Variants in CHAF1B observed in about 807,000 individuals in gnomAD.
The protein encoded by CHAF1B is CAF-1 subunit B.
CHAF1B carries 10 observed loss-of-function variants against 60.7 expected under a neutral mutation model. That is an observed-to-expected ratio of 0.16 (90% CI 0.10 to 0.28). The LOEUF (loss-of-function observed/expected upper bound fraction) is 0.28. Ranked by LOEUF, CHAF1B falls within the 10% of genes least tolerant of loss-of-function variation. CHAF1B has a pLI of 1.00. For synonymous variants in CHAF1B, 261 were observed against 266.1 expected (o/e 0.98, Z 0.19); for missense variants, 558 against 708.4 (o/e 0.79, Z 2.41).
intron 3 of CHAF1B, among the ~76,000 whole-genome samples, chr21:36,389,804 C>CGCGCGG (rs1407153758): frequency 9.5e-6 from 1 of 105,420 alleles, no homozygotes; most frequent in African/African-American, 4.7e-5. Context: ...TGTGTGTGCG[C>CGCGCGG]GCGCACGCTG....
chr21:36,394,465 C>G, intron 4 of CHAF1B, 82 bp from the exon 5 acceptor site: 2 of 950,788 alleles, frequency 2.1e-6, no homozygotes, highest in Non-Finnish European at 3.3e-6. Flanking sequence ...CTACCTTGGC[C>G]TCCCAAAGTG....
intron 7 of CHAF1B, among the ~76,000 whole-genome samples, chr21:36,401,322 T>A (rs533377910): frequency 1.4e-5 from 2 of 144,210 alleles, no homozygotes; most frequent in Non-Finnish European, 3.0e-5. Flanking sequence ...TAATATATAC[T>A]TTAATATGTT....
chr21:36,397,664 G>T, intron 6 of CHAF1B, 153 bp downstream of exon 6: 5 of 314,136 alleles, frequency 1.6e-5, no homozygotes, highest in Admixed American at 5.0e-5. Context: ...AACATAATCA[G>T]AAATTGGAAA....
chr21:36,392,663 C>G (rs1458369862), intron 4 of CHAF1B, among the ~76,000 whole-genome samples: 1 of 149,464 alleles, frequency 6.7e-6, no homozygotes. Flanking sequence ...GGGCGGCTGC[C>G]GGGCGGAGGG....
At chr21:36,394,197 C>T (rs1459075357) in intron 4 of CHAF1B, among the ~76,000 whole-genome samples, 2 of 152,060 alleles carry the variant, frequency 1.3e-5, no homozygotes, top group African/African-American at 4.8e-5. Flanking sequence ...CTCCCTCACC[C>T]TCCTGAGTAG....
Position 36,413,291 on chromosome 21 carries a change from A to C in CHAF1B, c.1469A>C (p.Gln490Pro), listed in dbSNP as rs1057052374. 1 of 1,594,502 alleles carries C rather than the reference A, an allele frequency of 6.3e-7. No individual in the cohort carries two copies. Among genetic ancestry groups the C allele is most frequent in the Non-Finnish European group, 8.5e-7 (1 of 1,171,788 alleles). Residue 490 changes from glutamine to proline, a missense_variant, in exon 12 of 14, where the codon CAA becomes CCA. Transcript: ENST00000314103. ...PSRRVTLNTL[Q>P]AWSKTTPRRI... Reference sequence around the variant, plus strand: ...CGGAGGGTCACTCTGAACACACTGCAAGCCTGGAGCAAGACAACACCCCGG... The same window carrying C: ...CGGAGGGTCACTCTGAACACACTGCCAGCCTGGAGCAAGACAACACCCCGG...
chr21:36,405,604 A>AT (rs2086232038), intron 8 of CHAF1B, among the ~76,000 whole-genome samples: 3 of 151,642 alleles, frequency 2.0e-5, no homozygotes, highest in South Asian at 4.2e-4. Flanking sequence ...TAATTTTCTT[A>AT]TTTTTTTGTA....
At chr21:36,409,107 G>A (rs927259858) in intron 9 of CHAF1B, among the ~76,000 whole-genome samples, 9 of 151,144 alleles carry the variant, frequency 6.0e-5, no homozygotes, top group African/African-American at 1.7e-4. Context: ...CGCTTGCCTC[G>A]GCCTCCCAAA....
chr21:36,404,024 A>T (rs977676399), intron 8 of CHAF1B, among the ~76,000 whole-genome samples: 4 of 152,190 alleles, frequency 2.6e-5, no homozygotes, highest in Non-Finnish European at 5.9e-5. Flanking sequence ...AGGACTAAGA[A>T]TAAGTAGTTG....
intron 4 of CHAF1B, among the ~76,000 whole-genome samples, chr21:36,392,756 C>G (rs1318364676): frequency 6.6e-6 from 1 of 152,142 alleles, no homozygotes; most frequent in African/African-American, 2.4e-5. Context: ...GCGCTCCCCA[C>G]ATCTCAGACG....
rs758745075 is a variant in CHAF1B, at chr21:36,412,938, T to G, written c.1116T>G (p.Phe372Leu). ...AISSTDGYCSFVTFEKDELGI... is the reference protein window; with the variant it reads ...AISSTDGYCSLVTFEKDELGI... ...CTTCCACGGACGGTTACTGCTCATT[T>G]GTGACATTTGAGAAAGATGAACTTG... is the stretch of plus-strand genomic sequence containing the variant. Residue 372 changes from phenylalanine (F) to leucine (L), a missense_variant, in exon 12 of 14, where the codon TTT becomes TTG. Phe to Leu is a conservative substitution (Grantham distance 22). This residue lies in a region of CHAF1B where 325 missense variants were observed against 493.5 expected (regional missense o/e 0.66). Coordinates refer to ENST00000314103, the MANE Select transcript of CHAF1B (RefSeq NM_005441.3). 1 of 1,614,236 alleles carries G rather than the reference T, an allele frequency of 6.2e-7. No homozygotes were observed. Among genetic ancestry groups the G allele is most frequent in the African/African-American group, 1.3e-5 (1 of 75,060 alleles).
intron 8 of CHAF1B, among the ~76,000 whole-genome samples, chr21:36,404,731 CCTTTT>C (rs2086222940): frequency 1.4e-5 from 1 of 70,296 alleles, no homozygotes; most frequent in Non-Finnish European, 2.6e-5. Context: ...ATTGCGCTGG[CCTTTT>C]TTTTTTTTTT....
intron 3 of CHAF1B, among the ~76,000 whole-genome samples, chr21:36,388,468 GTTTTT>G (rs1168454008): frequency 1.6e-5 from 2 of 126,348 alleles, no homozygotes; most frequent in Non-Finnish European, 3.3e-5. Context: ...GGCTTTGGGA[GTTTTT>G]TTTTTTTTTT....
rs761526218 is a variant in CHAF1B at position 36,391,632 on chromosome 21, T to G, written c.341T>G (p.Leu114Arg). ...IAFQDEDEAQ[L>R]NKENWTVVKT... ...TTTCAGGATGAGGACGAGGCCCAGC[T>G]GAACAAGGAGAACTGGACGGTTGTG... Residue 114 changes from leucine (L) to arginine (R), a missense_variant, in exon 4 of 14, where the codon CTG becomes CGG. Transcript: ENST00000314103. 4 of 1,613,536 alleles carry G rather than the reference T, an allele frequency of 2.5e-6. No individual in the cohort carries two copies. The highest frequency in any genetic ancestry group is 3.4e-6 in the Non-Finnish European group (4 of 1,179,618).
At chr21:36,415,949 T>G (rs1268252617) in intron 13 of CHAF1B, 1 of 324,398 alleles carries the variant, frequency 3.1e-6, no homozygotes, top group Non-Finnish European at 6.0e-6. Flanking sequence ...GTCGGGGGTT[T>G]CACCACGTTG....
In CHAF1B at chr21:36,418,198, G is replaced by C. The variant is rs2086332620; in HGVS notation, c.*1832G>C. 6.6e-6 allele frequency: 1 copy of C among 152,020 alleles called. No individual in the cohort carries two copies. The highest frequency in any genetic ancestry group is 2.4e-5 in the African/African-American group (1 of 41,344). 9.4% of individuals were successfully genotyped at this position (152,020 alleles called of 1,614,324 possible). On this transcript the variant is annotated 3_prime_UTR_variant, in exon 14 of 14. Coordinates refer to ENST00000314103, the MANE Select transcript of CHAF1B (RefSeq NM_005441.3). ...CCGGCTAATTTTTGTATTTTTAGTA[G>C]AGATGGTGTTTCACCATGTTGGTCA...
At chr21:36,387,509 C>A in intron 2 of CHAF1B, 89 bp from the exon 3 acceptor site, 1 of 1,517,416 alleles carries the variant, frequency 6.6e-7, no homozygotes, top group Admixed American at 1.8e-5. Context: ...TTGTGAGCCA[C>A]CACACCCAGC....
rs546780647 is a variant in CHAF1B at position 36,396,237 on chromosome 21, C to T, written c.482-1178C>T. On this transcript the variant is annotated intron_variant, in intron 5 of 13. Coordinates refer to ENST00000314103, the MANE Select transcript of CHAF1B (RefSeq NM_005441.3). The stretch of plus-strand genomic sequence containing the variant: ...CTGGTCCCAAACTCCTGACTTGAAG[C>T]GATCTGCCTGCGTCGGCCTCCCAAA... 7.8e-4 allele frequency among the ~76,000 whole-genome samples: 118 copies of T among 150,958 alleles called. No individual in the cohort carries two copies. In the East Asian group the frequency reaches 0.012, roughly 15 times the overall value.
intron 6 of CHAF1B, chr21:36,398,061 T>A (rs934016334): frequency 5.3e-5 from 8 of 151,734 alleles, no homozygotes; most frequent in African/African-American, 1.9e-4. Context: ...TACTATTTTT[T>A]TTTTTTTTTG....
Sources: allele counts gnomAD v4.1 joint callset (sites outside exome capture counted in the v4.1 genomes callset), GRCh38; gene constraint gnomAD v4.1.1; regional missense constraint gnomAD v4.1.1; transcripts MANE v1.5; gene names NCBI Gene and HGNC (gene_info 2026-07-23, HGNC 2026-07-21).